LARP1: variants seen among roughly 807,000 people sequenced by gnomAD.
LARP1 encodes the protein La ribonucleoprotein 1, translational regulator, also known as la-related protein 1.
A neutral mutation model predicts 122.7 loss-of-function variants in LARP1; 36 were observed. The ratio of observed to expected loss-of-function variants is 0.29; its 90% CI spans 0.22 to 0.39. LARP1 has a LOEUF of 0.39. LARP1 is among the 10% of genes least tolerant of loss of function. The pLI is 1.00. For synonymous variants in LARP1, 539 were observed against 528.7 expected (o/e 1.02, Z -0.27); for missense variants, 1,040 against 1,403.6 (o/e 0.74, Z 4.14).
chr5:154,760,762 A>G (rs1335696159), intron 1 of LARP1, among the ~76,000 whole-genome samples: 1 of 152,230 alleles, frequency 6.6e-6, no homozygotes, highest in Non-Finnish European at 1.5e-5. Context: ...AAGACACACT[A>G]TTTCCAATAA....
intron 1 of LARP1, among the ~76,000 whole-genome samples, chr5:154,707,695 CTAT>C (rs974118676): frequency 9.9e-5 from 15 of 152,210 alleles, no homozygotes; most frequent in African/African-American, 3.1e-4. Flanking sequence ...CACTTTATTT[CTAT>C]TATTATTATA....
chr5:154,805,180 A>G (rs774996835), intron 14 of LARP1: 2 of 327,378 alleles, frequency 6.1e-6, no homozygotes, highest in African/African-American at 2.2e-5. Context: ...GGTACAGTTT[A>G]CCTACTTAAC....
intron 1 of LARP1, among the ~76,000 whole-genome samples, chr5:154,698,489 A>G (rs1223639219): frequency 6.6e-6 from 1 of 152,032 alleles, no homozygotes; most frequent in African/African-American, 2.4e-5. Context: ...CCCAGCTACT[A>G]GGGAGGCTGA....
intron 1 of LARP1, among the ~76,000 whole-genome samples, chr5:154,693,687 C>T (rs1431296744): frequency 6.6e-6 from 1 of 151,984 alleles, no homozygotes; most frequent in Non-Finnish European, 1.5e-5. Flanking sequence ...AACCCCGTCT[C>T]TACTAAAAAA....
rs1753788098 is a variant in LARP1 at position 154,755,552 on chromosome 5, C to CG, written c.-206_-205insG. On this transcript the variant is annotated 5_prime_UTR_variant, in exon 1 of 19. Transcript: ENST00000518297. ...CTGCAGAGTGGGGGGCCTTCCTCCC[C>CG]CCCCGCCCCGCTAGTGGGCCTCGGA... 2 of 987,424 alleles carry CG rather than the reference C, an allele frequency of 2.0e-6. No homozygotes were observed. The highest frequency in any genetic ancestry group is 2.4e-6 in the Non-Finnish European group (2 of 830,082). 61.2% of individuals were successfully genotyped at this position (987,424 alleles called of 1,614,324 possible).
chr5:154,799,279 G>T (rs1328844085), intron 8 of LARP1, among the ~76,000 whole-genome samples: 1 of 152,148 alleles, frequency 6.6e-6, no homozygotes, highest in African/African-American at 2.4e-5. Flanking sequence ...TAGTTTTACT[G>T]TGAATGGCTT....
chr5:154,772,097 T>C (rs1305350189), intron 1 of LARP1, among the ~76,000 whole-genome samples: 2 of 152,212 alleles, frequency 1.3e-5, no homozygotes, highest in Non-Finnish European at 2.9e-5. Context: ...TGAACATAAA[T>C]ACACATATAA....
At chr5:154,787,270 AAGG>A (rs1756966569) in intron 1 of LARP1, among the ~76,000 whole-genome samples, 2 of 152,326 alleles carry the variant, frequency 1.3e-5, no homozygotes, top group African/African-American at 4.8e-5. Flanking sequence ...GCAGGGGTAG[AAGG>A]AGGAGAATTA....
Position 154,755,893 on chromosome 5 carries a change from G to A in LARP1, c.136G>A (p.Gly46Arg), listed in dbSNP as rs1298329723. 2 of 1,010,884 alleles carry A rather than the reference G, an allele frequency of 2.0e-6. No individual in the cohort carries two copies. The highest frequency in any genetic ancestry group is 1.2e-6 in the Non-Finnish European group (1 of 844,844). 62.6% of individuals were successfully genotyped at this position (1,010,884 alleles called of 1,614,324 possible). ...KGEPGPNDVR[G>R]GEPDGSARRP... ...CGAGCCCGGGCCAAACGACGTCCGCGGGGGGGAGCCGGACGGCAGCGCTCG... is the reference window on the plus strand; with the variant it reads ...CGAGCCCGGGCCAAACGACGTCCGCAGGGGGGAGCCGGACGGCAGCGCTCG... The change falls in exon 1 of 19, where the codon GGG (glycine) becomes AGG (arginine). Residue 46 changes from glycine (G) to arginine (R), a missense_variant. By Grantham distance (125) the Gly-to-Arg change is moderately radical. Transcript: ENST00000518297.
At chr5:154,685,825 A>G (rs201841642) in intron 1 of LARP1, 6 of 472,966 alleles carry the variant, frequency 1.3e-5, no homozygotes, top group Admixed American at 6.6e-5. Context: ...TTTTTTTTAA[A>G]TTTTAGAGAC....
chr5:154,785,659 A>T (rs1224016814), intron 1 of LARP1, among the ~76,000 whole-genome samples: 1 of 152,100 alleles, frequency 6.6e-6, no homozygotes, highest in Non-Finnish European at 1.5e-5. Flanking sequence ...GGGCCCTCTG[A>T]CTTTCCTAGG....
At chr5:154,747,570 G>A (rs934189299) in intron 1 of LARP1, among the ~76,000 whole-genome samples, 1 of 152,174 alleles carries the variant, frequency 6.6e-6, no homozygotes, top group Admixed American at 6.5e-5. Flanking sequence ...GCCGGATGTG[G>A]TGGCGGGCAC....
intron 16 of LARP1, 75 bp from the exon 17 acceptor site, chr5:154,811,172 C>T: frequency 9.5e-7 from 1 of 1,050,598 alleles, no homozygotes; most frequent in Non-Finnish European, 1.5e-6. Context: ...TTTCATAGTT[C>T]CTCTGTTATG....
upstream of LARP1, among the ~76,000 whole-genome samples, chr5:154,712,732 C>A (rs545226284): frequency 6.6e-6 from 1 of 152,232 alleles, no homozygotes; most frequent in East Asian, 1.9e-4. Flanking sequence ...GTGCTCCCCG[C>A]TAAGGTAAAG....
At chr5:154,755,288 C>T (rs1260222925), upstream of LARP1, among the ~76,000 whole-genome samples, 1 of 148,010 alleles carries the variant, frequency 6.8e-6, no homozygotes, top group Non-Finnish European at 1.5e-5. Flanking sequence ...GTCCCCTCCC[C>T]TCGCCCGCCG....
intron 1 of LARP1, among the ~76,000 whole-genome samples, chr5:154,726,561 A>C (rs1305954260): frequency 6.6e-6 from 1 of 152,252 alleles, no homozygotes; most frequent in Non-Finnish European, 1.5e-5. Flanking sequence ...TTCTGCATAT[A>C]AGTACAATCT....
In LARP1 at chr5:154,793,581, A is replaced by G. The variant is rs1757508367; in HGVS notation, c.740-14A>G. 6 of 1,614,048 alleles carry G rather than the reference A, an allele frequency of 3.7e-6. No individual in the cohort carries two copies. The highest frequency in any genetic ancestry group is 2.7e-5 in the African/African-American group (2 of 74,930). ...TCCCTCAAGCCTTTCTCATGTACCC[A>G]TGCTGTCTCCCAGGAAACAAACACA... On this transcript the variant is annotated splice_polypyrimidine_tract_variant and intron_variant, in intron 4 of 18. Coordinates refer to ENST00000518297, the MANE Select transcript of LARP1 (RefSeq NM_033551.3).
At chr5:154,720,154 GCA>G (rs1755771879) in intron 1 of LARP1, among the ~76,000 whole-genome samples, 1 of 151,956 alleles carries the variant, frequency 6.6e-6, no homozygotes, top group Admixed American at 6.6e-5. Context: ...TCGCACCACT[GCA>G]TTCCAGCCTG....
intron 1 of LARP1, among the ~76,000 whole-genome samples, chr5:154,762,896 A>G (rs1754576061): frequency 1.3e-5 from 2 of 152,142 alleles, no homozygotes; most frequent in South Asian, 4.1e-4. Context: ...TCTGATAGAG[A>G]TAGGGCTCTG....
Sources: gnomAD v4.1 joint callset for allele counts (sites outside exome capture counted in the v4.1 genomes callset) on GRCh38, gnomAD v4.1.1 for gene constraint, MANE v1.5 for transcripts, NCBI Gene and HGNC (gene_info 2026-07-23, HGNC 2026-07-21) for gene names.